PHLDB2: variants seen among roughly 807,000 people sequenced by gnomAD.
PHLDB2 encodes the protein pleckstrin homology-like domain family B member 2.
In PHLDB2, 71 loss-of-function variants were observed where a neutral mutation model predicts 123.6. The observed-to-expected ratio is 0.57, with a 90% CI of 0.47 to 0.70. PHLDB2 has a LOEUF of 0.70. Among genes scored for constraint, PHLDB2 ranks in the 30% least tolerant of loss-of-function variants. The pLI is 0.00. For missense variants in PHLDB2, 1,446 were observed against 1,519.5 expected, an observed-to-expected ratio of 0.95 and a Z score of 0.80; for synonymous variants, 547 against 541.6, an observed-to-expected ratio of 1.01 and a Z score of -0.14.
chr3:111,735,245 A>C lies in PHLDB2; in HGVS notation c.-49+2542A>C, dbSNP rs115430471. ...GAGGCTTAAAGCCCGAGAAACCATC[A>C]ACAGTCCCTCCTGTCAAGGCTCTCA... On this transcript the variant is annotated intron_variant, in intron 1 of 17. Transcript: ENST00000393923. 8.9e-4 allele frequency among the ~76,000 whole-genome samples: 135 copies of C among 152,302 alleles called. 1 individual carries two copies. Among genetic ancestry groups the C allele is most frequent in the African/African-American group, 2.9e-3 (121 of 41,576 alleles).
At chr3:111,802,747 T>G (rs766189157) in intron 1 of PHLDB2, among the ~76,000 whole-genome samples, 11 of 152,232 alleles carry the variant, frequency 7.2e-5, no homozygotes, top group South Asian at 2.1e-4. Flanking sequence ...TTCTCTCTCT[T>G]TTAAAGAAAA....
At chr3:111,945,396 G>C (rs781625800) in intron 9 of PHLDB2, 39 bp downstream of exon 9, 7 of 1,393,800 alleles carry the variant, frequency 5.0e-6, no homozygotes, top group Non-Finnish European at 7.1e-6. Flanking sequence ...TGTTGCCTTA[G>C]AAATCAGGAG....
chr3:111,898,182 T>TTGTGTG (rs58183787), intron 2 of PHLDB2, among the ~76,000 whole-genome samples: 2,220 of 142,604 alleles, frequency 0.016, 45 homozygotes, highest in East Asian at 0.099. Context: ...GTGTGTGTGT[T>TTGTGTG]TGTGTGTGTG....
At chr3:111,780,321 GGAAGAA>G (rs776116547) in intron 1 of PHLDB2, among the ~76,000 whole-genome samples, 18 of 3,682 alleles carry the variant, frequency 4.9e-3, no homozygotes, top group African/African-American at 8.8e-3. Flanking sequence ...AAGAGGAAGA[GGAAGAA>G]GAAGAAGAAG....
intron 13 of PHLDB2, among the ~76,000 whole-genome samples, chr3:111,962,815 G>A (rs2071488546): frequency 6.6e-6 from 1 of 151,936 alleles, no homozygotes; most frequent in Non-Finnish European, 1.5e-5. Flanking sequence ...TGTAATCTCA[G>A]CTACTCAGGA....
chr3:111,782,697 T>C (rs1161997254), intron 1 of PHLDB2, among the ~76,000 whole-genome samples: 3 of 152,096 alleles, frequency 2.0e-5, no homozygotes, highest in Non-Finnish European at 2.9e-5. Flanking sequence ...TGGGTACTTA[T>C]CAGGCACAGC....
chr3:111,785,885 G>A (rs1208467408), intron 1 of PHLDB2, among the ~76,000 whole-genome samples: 7 of 152,126 alleles, frequency 4.6e-5, no homozygotes, highest in Non-Finnish European at 8.8e-5. Context: ...TTTTGCTCGG[G>A]AAGAGATTTA....
In PHLDB2 at chr3:111,788,455, A is replaced by G. The variant is rs536483826; in HGVS notation, c.-49+55752A>G. On this transcript the variant is annotated intron_variant, in intron 1 of 17. Transcript: ENST00000393923. ...GTCCAAGAGGAGAAAGCATGTGTCA[A>G]TATTATTTTAAATGACATTAATTTG... Among the ~76,000 whole-genome samples the G allele has an allele frequency of 1.5e-4, 23 of 152,326 alleles. 1 individual carries two copies. The Middle Eastern group carries it at 0.02, about 135-fold the overall frequency.
chr3:111,875,695 C>T (rs2065578039), intron 1 of PHLDB2, among the ~76,000 whole-genome samples: 1 of 151,358 alleles, frequency 6.6e-6, no homozygotes, highest in Non-Finnish European at 1.5e-5. Flanking sequence ...TGGTGGTACA[C>T]ACCTGTAATC....
intron 12 of PHLDB2, chr3:111,957,230 A>G (rs968604008): frequency 2.0e-5 from 3 of 152,646 alleles, no homozygotes; most frequent in Admixed American, 2.0e-4. Flanking sequence ...TTTTTGTTAA[A>G]TACAGGAAAG....
intron 2 of PHLDB2, among the ~76,000 whole-genome samples, chr3:111,890,812 C>G (rs1559888407): frequency 6.6e-6 from 1 of 152,108 alleles, no homozygotes; most frequent in East Asian, 1.9e-4. Context: ...AGCTGCTGTG[C>G]TATTTGAGAT....
intron 1 of PHLDB2, among the ~76,000 whole-genome samples, chr3:111,805,009 C>T (rs1394976623): frequency 6.7e-6 from 1 of 149,406 alleles, no homozygotes; most frequent in East Asian, 1.9e-4. Flanking sequence ...AAGTCTTATA[C>T]ACTGCTAGCA....
intron 1 of PHLDB2, among the ~76,000 whole-genome samples, chr3:111,881,432 C>G (rs1333012937): frequency 6.6e-6 from 1 of 152,122 alleles, no homozygotes; most frequent in African/African-American, 2.4e-5. Flanking sequence ...TAACTTATTA[C>G]TGCAATATTA....
At chr3:111,856,870 A>G (rs1176338896), upstream of PHLDB2, among the ~76,000 whole-genome samples, 1 of 152,256 alleles carries the variant, frequency 6.6e-6, no homozygotes, top group East Asian at 1.9e-4. Flanking sequence ...TAATTTAAAA[A>G]GTACATTTTA....
chr3:111,834,976 G>A (rs978324126), intron 1 of PHLDB2, among the ~76,000 whole-genome samples: 5 of 151,934 alleles, frequency 3.3e-5, no homozygotes, highest in African/African-American at 1.2e-4. Context: ...TCACACCTTT[G>A]TAATTTTCCA....
In PHLDB2 at chr3:111,840,742, A is replaced by G. The variant is rs184581510; in HGVS notation, c.-48-5079A>G. 2.3e-3 allele frequency among the ~76,000 whole-genome samples: 351 copies of G among 152,304 alleles called. 1 individual carries two copies. The highest frequency in any genetic ancestry group is 7.1e-3 in the African/African-American group (294 of 41,572). ...CTCAATTTTCTTGCCTATCAATTAG[A>G]CGAACCTACTCAAAAGATTGTGTGA... is the stretch of plus-strand genomic sequence containing the variant. On this transcript the variant is annotated intron_variant, in intron 1 of 17. Transcript: ENST00000393923.
In PHLDB2 at chr3:111,884,782, T is replaced by A; in HGVS notation, c.705T>A (p.Asn235Lys). The A allele has an allele frequency of 6.2e-7, 1 of 1,613,976 alleles. No homozygotes were observed. ...RHKELASENI[N>K]LRTRKYSSSS... ...AGGAGCTTGCATCTGAAAACATCAATTTGAGAACTAGGAAGTACTCCAGCA... is the reference window on the plus strand; with the variant it reads ...AGGAGCTTGCATCTGAAAACATCAAATTGAGAACTAGGAAGTACTCCAGCA... Residue 235 changes from asparagine to lysine, a missense_variant, in exon 2 of 18, where the codon AAT becomes AAA. This residue lies in a region of PHLDB2 where 832 missense variants were observed against 831.9 expected (regional missense o/e 1.00). Transcript: ENST00000431670.
At chr3:111,880,210 C>T (rs951820636) in intron 1 of PHLDB2, among the ~76,000 whole-genome samples, 3 of 152,006 alleles carry the variant, frequency 2.0e-5, no homozygotes, top group African/African-American at 4.8e-5. Context: ...TCCCTATCAG[C>T]GTTCTCTACC....
intron 1 of PHLDB2, among the ~76,000 whole-genome samples, chr3:111,865,704 A>G (rs1167486944): frequency 1.3e-5 from 2 of 152,116 alleles, no homozygotes; most frequent in African/African-American, 2.4e-5. Context: ...TTTCTACTAG[A>G]TTGGCCACTG....
Sources: gnomAD v4.1 joint callset for allele counts (sites outside exome capture counted in the v4.1 genomes callset) on GRCh38, gnomAD v4.1.1 for gene constraint, gnomAD v4.1.1 regional missense constraint, MANE v1.5 for transcripts, NCBI Gene and HGNC (gene_info 2026-07-23, HGNC 2026-07-21) for gene names.